The following QSER1 variants were observed in gnomAD, a reference collection of about 807,000 sequenced individuals.
QSER1 encodes the protein glutamine and serine rich 1, also known as glutamine and serine-rich protein 1.
Under a neutral mutation model 158.5 loss-of-function variants are expected in QSER1, and 49 were observed. The ratio of observed to expected loss-of-function variants is 0.31; its 90% CI spans 0.25 to 0.39. QSER1 has a LOEUF of 0.39. Among genes scored for constraint, QSER1 ranks in the 10% least tolerant of loss-of-function variants. The pLI, the probability that QSER1 is intolerant of heterozygous loss-of-function variation, is 1.00. For synonymous variants in QSER1, 650 were observed against 715.5 expected, an observed-to-expected ratio of 0.91 and a Z score of 1.46; for missense variants, 1,754 against 2,010.3, an observed-to-expected ratio of 0.87 and a Z score of 2.44.
At chr11:32,960,260 G>A (rs1346052361) in intron 8 of QSER1, among the ~76,000 whole-genome samples, 3 of 152,040 alleles carry the variant, frequency 2.0e-5, no homozygotes, top group Admixed American at 1.3e-4. Flanking sequence ...TGGTTGTTTA[G>A]AAATATATAC....
In QSER1 at chr11:32,934,627, T is replaced by C; in HGVS notation, c.3369T>C (p.Pro1123=). ...NLESEEDSEA[P]VDSTLNNNRN... ...AATCTGAAGAAGACAGTGAAGCTCC[T>C]GTTGATAGTACATTAAATAATAACA... The change falls in exon 4 of 13, where the codon CCT becomes CCC. Residue 1123 remains proline (P), a synonymous_variant. Coordinates refer to ENST00000650167, the MANE Select transcript of QSER1 (RefSeq NM_001076786.3). 1 of 1,613,762 alleles carries C rather than the reference T, an allele frequency of 6.2e-7. No individual in the cohort carries two copies. The highest frequency in any genetic ancestry group is 1.3e-5 in the African/African-American group (1 of 75,058).
intron 4 of QSER1, among the ~76,000 whole-genome samples, chr11:32,948,905 G>C (rs1471390165): frequency 1.3e-5 from 2 of 151,698 alleles, no homozygotes; most frequent in African/African-American, 4.8e-5. Flanking sequence ...TGATTATTTT[G>C]GTGAAATATT....
At chr11:32,946,187 C>T (rs186621245) in intron 4 of QSER1, among the ~76,000 whole-genome samples, 2,802 of 151,756 alleles carry the variant, frequency 0.018, 43 homozygotes, top group South Asian at 0.038. Flanking sequence ...TTTGAATGTC[C>T]TCCCGTAGCT....
intron 1 of QSER1, among the ~76,000 whole-genome samples, chr11:32,898,452 C>G (rs1429955713): frequency 2.0e-5 from 3 of 150,284 alleles, no homozygotes; most frequent in Non-Finnish European, 4.4e-5. Flanking sequence ...TGCCACTGCA[C>G]TTCAGTGTGA....
At chr11:32,905,287 T>A (rs1427963626) in intron 1 of QSER1, among the ~76,000 whole-genome samples, 1 of 152,262 alleles carries the variant, frequency 6.6e-6, no homozygotes, top group African/African-American at 2.4e-5. Flanking sequence ...AATATGTGGA[T>A]AAGCTAAAAT....
At chr11:32,909,484 G>C (rs11032056) in intron 1 of QSER1, among the ~76,000 whole-genome samples, 8,336 of 151,286 alleles carry the variant, frequency 0.055, 360 homozygotes, top group Admixed American at 0.091. Context: ...TTGTGGCCCA[G>C]GCTGGAGTGC....
chr11:32,979,517 A>T lies in QSER1; in HGVS notation c.*3043A>T, dbSNP rs1298610275. 6.6e-6 allele frequency: 1 copy of T among 152,230 alleles called. No homozygotes were observed. Among genetic ancestry groups the T allele is most frequent in the African/African-American group, 2.4e-5 (1 of 41,460 alleles). The allele number at this position is 152,230 out of a possible 1,614,324, so 9.4% of individuals were successfully genotyped here. On this transcript the variant is annotated 3_prime_UTR_variant, in exon 13 of 13. Coordinates refer to ENST00000650167, the MANE Select transcript of QSER1 (RefSeq NM_001076786.3). The stretch of plus-strand genomic sequence containing the variant: ...TATGAATTAGCACAGTTAAGTTGAC[A>T]CTAGAAACTGCCCATTTCTGTATTA...
intron 4 of QSER1, among the ~76,000 whole-genome samples, chr11:32,937,371 A>G (rs1487739315): frequency 6.6e-6 from 1 of 151,978 alleles, no homozygotes; most frequent in East Asian, 1.9e-4. Flanking sequence ...TGAAACCTCA[A>G]ACTCCTGGGC....
At chr11:32,905,275 CAA>C (rs2133498020) in intron 1 of QSER1, among the ~76,000 whole-genome samples, 1 of 152,314 alleles carries the variant, frequency 6.6e-6, no homozygotes, top group South Asian at 2.1e-4. Context: ...GAAGCAAACA[CAA>C]ATATGTGGAT....
At chr11:32,949,598 C>T (rs1056312084) in intron 4 of QSER1, among the ~76,000 whole-genome samples, 1 of 152,062 alleles carries the variant, frequency 6.6e-6, no homozygotes, top group Non-Finnish European at 1.5e-5. Context: ...AAATGTTTAA[C>T]ATTTTGAGCC....
At chr11:32,916,627 T>G (rs1465048212) in intron 1 of QSER1, among the ~76,000 whole-genome samples, 1 of 152,310 alleles carries the variant, frequency 6.6e-6, no homozygotes, top group Non-Finnish European at 1.5e-5. Flanking sequence ...GTACAGGATC[T>G]TACTGCCCTG....
rs2133553210 is a variant in QSER1, at chr11:32,935,339, G to A, written c.4081G>A (p.Asp1361Asn). 1.2e-6 allele frequency: 2 copies of A among 1,612,624 alleles called. No homozygotes were observed. Among genetic ancestry groups the A allele is most frequent in the South Asian group, 1.1e-5 (1 of 90,978 alleles). ...NLEHLSSFSSDEDDPGYSQDA... is the reference protein window; with the variant it reads ...NLEHLSSFSSNEDDPGYSQDA... Reference sequence around the variant, plus strand: ...GGAACATTTATCTTCATTTTCTTCTGATGAAGATGATCCTGGATATAGTCA... The same window carrying A: ...GGAACATTTATCTTCATTTTCTTCTAATGAAGATGATCCTGGATATAGTCA... Residue 1361 changes from aspartate to asparagine, a missense_variant, in exon 4 of 13, where the codon GAT becomes AAT. Physicochemically the swap from Asp to Asn is conservative, Grantham distance 23. Coordinates refer to ENST00000650167, the MANE Select transcript of QSER1 (RefSeq NM_001076786.3).
chr11:32,964,205 C>T (rs1852682310), intron 8 of QSER1, among the ~76,000 whole-genome samples: 1 of 151,822 alleles, frequency 6.6e-6, no homozygotes, highest in South Asian at 2.1e-4. Context: ...GAACTCCTGA[C>T]CTCAAGCAAT....
intron 10 of QSER1, among the ~76,000 whole-genome samples, chr11:32,969,473 T>C (rs1202329230): frequency 2.0e-5 from 3 of 152,156 alleles, no homozygotes; most frequent in Non-Finnish European, 4.4e-5. Context: ...AAATTCACCG[T>C]ACTTGCCTCA....
rs374350544 is a variant in QSER1 at position 32,957,951 on chromosome 11, G to A, written c.4834G>A (p.Val1612Met). Residue 1612 changes from valine (V) to methionine (M), a missense_variant, in exon 8 of 13, where the codon GTG becomes ATG. Physicochemically the swap from Val to Met is conservative, Grantham distance 21. Around this residue, in one of 2 missense-constraint regions of QSER1, gnomAD observed 1,707 missense variants for 1,919.6 expected, o/e 0.89. Coordinates refer to ENST00000650167, the MANE Select transcript of QSER1 (RefSeq NM_001076786.3). The stretch of plus-strand genomic sequence containing the variant: ...AACTACAACTACAAAAGCCCCTTCC[G>A]TGAAACCCAAAGTTAAACAGCCAAA... ...SKTTTTKAPSVKPKVKQPKVK... is the reference protein window; with the variant it reads ...SKTTTTKAPSMKPKVKQPKVK... The A allele has an allele frequency of 6.3e-5, 102 of 1,613,912 alleles. No homozygotes were observed. Among genetic ancestry groups the A allele is most frequent in the East Asian group, 2.7e-4 (12 of 44,870 alleles).
rs562897387 is a variant in QSER1, at chr11:32,965,730, T to G, written c.4970-570T>G. On this transcript the variant is annotated intron_variant, in intron 8 of 12. Coordinates refer to ENST00000650167, the MANE Select transcript of QSER1 (RefSeq NM_001076786.3). ...GGTAGGCTGAGGCAGGCAGATCACC[T>G]GAGGTCAGGAGTTCAAGACCAGCCT... is the stretch of plus-strand genomic sequence containing the variant. Among the ~76,000 whole-genome samples, 124 of 152,198 alleles carry G rather than the reference T, an allele frequency of 8.1e-4. 1 individual carries two copies. Among genetic ancestry groups the G allele is most frequent in the Middle Eastern group, 6.8e-3 (2 of 294 alleles).
intron 1 of QSER1, among the ~76,000 whole-genome samples, chr11:32,919,463 T>C (rs1387778145): frequency 6.6e-6 from 1 of 152,190 alleles, no homozygotes; most frequent in Non-Finnish European, 1.5e-5. Flanking sequence ...TGTTTTTTCT[T>C]TTCATGTTTA....
intron 9 of QSER1, among the ~76,000 whole-genome samples, 163 bp downstream of exon 9, chr11:32,966,600 CA>C (rs1207555486): frequency 9.2e-5 from 14 of 152,292 alleles, no homozygotes; most frequent in African/African-American, 3.4e-4. Flanking sequence ...CATATCTTTT[CA>C]TGCATTCTCT....
intron 4 of QSER1, among the ~76,000 whole-genome samples, chr11:32,941,731 CT>C (rs1852240815): frequency 6.6e-6 from 1 of 152,092 alleles, no homozygotes. Context: ...ATTTATAGCC[CT>C]TTGGGTATAT....
Sources: allele counts gnomAD v4.1 joint callset (sites outside exome capture counted in the v4.1 genomes callset), GRCh38; gene constraint gnomAD v4.1.1; regional missense constraint gnomAD v4.1.1; transcripts MANE v1.5; gene names NCBI Gene and HGNC (gene_info 2026-07-23, HGNC 2026-07-21).